Variants in ERCC6 observed in about 807,000 individuals in gnomAD.
ERCC6 encodes DNA excision repair protein ERCC-6.
In ERCC6, 116 loss-of-function variants were observed where a neutral mutation model predicts 158.7. That is an observed-to-expected ratio of 0.73 (90% CI 0.63 to 0.85). ERCC6 has a LOEUF of 0.85. Among genes scored for constraint, ERCC6 ranks in the 40% least tolerant of loss-of-function variants. The pLI is 0.00. For missense variants in ERCC6, 1,698 were observed against 1,799.4 expected, an observed-to-expected ratio of 0.94 and a Z score of 1.02; for synonymous variants, 678 against 659.3, an observed-to-expected ratio of 1.03 and a Z score of -0.43.
chr10:49,445,651 T>C, the ERCC6 span, among the ~76,000 whole-genome samples: 1 of 152,248 alleles, frequency 6.6e-6, no homozygotes, highest in Non-Finnish European at 1.5e-5. Context: ...ACAAGAAATG[T>C]TATTTATAAT....
rs540141675 is a variant in ERCC6 at position 49,460,359 on chromosome 10, G to A, written c.4062+14C>T. The A allele has an allele frequency of 2.2e-5, 35 of 1,590,838 alleles. No homozygotes were observed. Among genetic ancestry groups the A allele is most frequent in the East Asian group, 4.5e-5 (2 of 44,788 alleles). ...AAGTCTCACCCTGGAAAGCAAAAAGGTTATCTATATTACCTGGCACTTCTC... is the reference window on the plus strand; with the variant it reads ...AAGTCTCACCCTGGAAAGCAAAAAGATTATCTATATTACCTGGCACTTCTC... On this transcript the variant is annotated intron_variant, in intron 20 of 20. Transcript: ENST00000355832.
chr10:49,480,089 G>T (rs1850949983), intron 10 of ERCC6, among the ~76,000 whole-genome samples: 1 of 152,112 alleles, frequency 6.6e-6, no homozygotes, highest in Admixed American at 6.5e-5. Flanking sequence ...GTCCCTGCAG[G>T]CTCTTCTCAG....
intron 5 of ERCC6, among the ~76,000 whole-genome samples, chr10:49,508,472 A>G (rs995334095): frequency 3.9e-5 from 6 of 152,236 alleles, no homozygotes; most frequent in Admixed American, 3.3e-4. Flanking sequence ...ATAAGCCACT[A>G]CAGAAACGAT....
In ERCC6 at chr10:49,516,460, G is replaced by A. The variant is rs748948969; in HGVS notation, c.1397+7573C>T. 1.2e-5 allele frequency: 19 copies of A among 1,614,144 alleles called. No homozygotes were observed. The highest frequency in any genetic ancestry group is 3.3e-5 in the Admixed American group (2 of 60,012). On this transcript the variant is annotated intron_variant, in intron 5 of 20. Transcript: ENST00000355832. Reference sequence around the variant, plus strand: ...GAAAATATAGTTTCAAACCGGTCACGTCTCATGGCAGCACTAACCAGTACA... The same window carrying A: ...GAAAATATAGTTTCAAACCGGTCACATCTCATGGCAGCACTAACCAGTACA...
Position 49,500,590 on chromosome 10 carries a change from A to C in ERCC6, c.1633T>G (p.Phe545Val), listed in dbSNP as rs1851339748. 6.2e-7 allele frequency: 1 copy of C among 1,614,038 alleles called. No homozygotes were observed. Among genetic ancestry groups the C allele is most frequent in the Non-Finnish European group, 8.5e-7 (1 of 1,179,926 alleles). ...GLGKTIQIIA[F>V]LAGLSYSKIR... Reference sequence around the variant, plus strand: ...TTGCTGTAGCTCAGACCTGCCAAGAAGGCAATTATCTGGATGGTCTTGCCC... The same window carrying C: ...TTGCTGTAGCTCAGACCTGCCAAGACGGCAATTATCTGGATGGTCTTGCCC... Residue 545 changes from phenylalanine (F) to valine (V), a missense_variant, in exon 7 of 21, where the codon TTC becomes GTC. Phe to Val is a conservative substitution (Grantham distance 50). Transcript: ENST00000355832.
the ERCC6 span, among the ~76,000 whole-genome samples, chr10:49,440,929 G>A: frequency 6.6e-6 from 1 of 152,176 alleles, no homozygotes; most frequent in Non-Finnish European, 1.5e-5. Flanking sequence ...TGGGTGGAAT[G>A]GGAGGTGGTA....
Position 49,470,179 on chromosome 10 carries a change from T to C in ERCC6, c.3778+3A>G, listed in dbSNP as rs1850747260. 1 of 1,613,746 alleles carries C rather than the reference T, an allele frequency of 6.2e-7. No homozygotes were observed. The highest frequency in any genetic ancestry group is 1.1e-5 in the South Asian group (1 of 91,068). ...CCTGTGGCAAACGTATCAAATGGAT[T>C]ACCTGATTTTTTGAAAAGCTTTTCC... On this transcript the variant is annotated splice_donor_region_variant and intron_variant, in intron 18 of 20. Coordinates refer to ENST00000355832, the MANE Select transcript of ERCC6 (RefSeq NM_000124.4).
intron 5 of ERCC6, among the ~76,000 whole-genome samples, chr10:49,513,722 GA>G (rs1836869602): frequency 6.6e-6 from 1 of 152,164 alleles, no homozygotes; most frequent in Non-Finnish European, 1.5e-5. Context: ...CAGCATGGGG[GA>G]AACCGCCCCC....
rs1837262991 is a variant in ERCC6, at chr10:49,524,543, C to T, written c.887G>A (p.Arg296Lys). 3 of 1,614,216 alleles carry T rather than the reference C, an allele frequency of 1.9e-6. No individual in the cohort carries two copies. The East Asian group carries it at 6.7e-5, about 36-fold the overall frequency. The change falls in exon 5 of 21, where the codon AGA becomes AAA. Residue 296 changes from arginine to lysine, a missense_variant. By Grantham distance (26) the Arg-to-Lys change is conservative. Coordinates refer to ENST00000355832, the MANE Select transcript of ERCC6 (RefSeq NM_000124.4). ...KKQGCNKRAA[R>K]KAPAPVTPPA... ...AGGCGTGACTGGGGCTGGAGCTTTT[C>T]TAGCTGCTCTTTTATTACAACCTTG...
downstream of ERCC6, among the ~76,000 whole-genome samples, chr10:49,453,469 A>T (rs1850442953): frequency 2.0e-5 from 3 of 152,176 alleles, no homozygotes; most frequent in South Asian, 6.2e-4. Flanking sequence ...TGCTGTTTTG[A>T]CAAATGTTAC....
At chr10:49,447,612 G>A in the ERCC6 span, among the ~76,000 whole-genome samples, 130 of 152,156 alleles carry the variant, frequency 8.5e-4, 1 homozygote, top group South Asian at 0.013. Flanking sequence ...GCCGAGGCAG[G>A]AGAATGGCGT....
chr10:49,484,770 G>A (rs1002731896), intron 8 of ERCC6, among the ~76,000 whole-genome samples: 1 of 152,116 alleles, frequency 6.6e-6, no homozygotes, highest in African/African-American at 2.4e-5. Flanking sequence ...AAAATAAGGA[G>A]AAAATGTCAT....
chr10:49,524,018 T>A lies in ERCC6; in HGVS notation c.1397+15A>T. 1 of 1,612,254 alleles carries A rather than the reference T, an allele frequency of 6.2e-7. No individual in the cohort carries two copies. Among genetic ancestry groups the A allele is most frequent in the Non-Finnish European group, 8.5e-7 (1 of 1,179,858 alleles). On this transcript the variant is annotated intron_variant, in intron 5 of 20. Transcript: ENST00000355832. ...AGCAAACAGTACAATGTATTTATAA[T>A]CCCCACAGACCGACCTTAACCGCTG...
rs1225811570 is a variant in ERCC6, at chr10:49,473,606, T to C, written c.2599-19A>G. 1.4e-6 allele frequency: 2 copies of C among 1,442,964 alleles called. No homozygotes were observed. The highest frequency in any genetic ancestry group is 2.0e-6 in the Non-Finnish European group (2 of 1,023,868). 89.4% of individuals were successfully genotyped at this position (1,442,964 alleles called of 1,614,324 possible). A position where few individuals can be genotyped will look rare whatever the true frequency, so the allele number is the denominator to read the frequency against. ...CCAGCATCTGTTTGGAGGTGGGGGATAGGAGTTTGCAAAGCAAATACACAT... is the reference window on the plus strand; with the variant it reads ...CCAGCATCTGTTTGGAGGTGGGGGACAGGAGTTTGCAAAGCAAATACACAT... On this transcript the variant is annotated intron_variant, in intron 13 of 20. Transcript: ENST00000355832.
At chr10:49,441,674 G>GT in the ERCC6 span, among the ~76,000 whole-genome samples, 4 of 152,210 alleles carry the variant, frequency 2.6e-5, no homozygotes, top group East Asian at 7.7e-4. Flanking sequence ...GTGGCAGCGG[G>GT]TGCGGACGGG....
intron 5 of ERCC6, among the ~76,000 whole-genome samples, chr10:49,520,005 T>C (rs1837108458): frequency 6.6e-6 from 1 of 152,216 alleles, no homozygotes; most frequent in East Asian, 1.9e-4. Context: ...ATCTATGACA[T>C]ACAGCATTTA....
intron 8 of ERCC6, among the ~76,000 whole-genome samples, chr10:49,485,868 C>T (rs1851068269): frequency 6.6e-6 from 1 of 152,140 alleles, no homozygotes; most frequent in Admixed American, 6.5e-5. Context: ...CACCACAAGA[C>T]AGTGAGTTAT....
rs1403282743 is a variant in ERCC6 at position 49,474,208 on chromosome 10, C to T, written c.2417G>A (p.Cys806Tyr). 1.2e-6 allele frequency: 2 copies of T among 1,613,962 alleles called. No homozygotes were observed. Among genetic ancestry groups the T allele is most frequent in the Middle Eastern group, 1.6e-4 (1 of 6,084 alleles). Residue 806 changes from cysteine (C) to tyrosine (Y), a missense_variant, in exon 13 of 21, where the codon TGC becomes TAC. Physicochemically the swap from Cys to Tyr is radical, Grantham distance 194. Transcript: ENST00000355832. ...TCCAGAAAAGAGATCAGGGTGGTTG[C>T]AAATTTTTCTTAGGGCTATAAGTCC... ...FSGLIALRKI[C>Y]NHPDLFSGGP...
At chr10:49,484,825 GA>G (rs1851048915) in intron 8 of ERCC6, among the ~76,000 whole-genome samples, 1 of 152,200 alleles carries the variant, frequency 6.6e-6, no homozygotes, top group African/African-American at 2.4e-5. Flanking sequence ...ATTCCCTTCA[GA>G]GGAAAAAGAC....
Sources: gnomAD v4.1 joint callset for allele counts (sites outside exome capture counted in the v4.1 genomes callset) on GRCh38, gnomAD v4.1.1 for gene constraint, MANE v1.5 for transcripts, NCBI Gene and HGNC (gene_info 2026-07-23, HGNC 2026-07-21) for gene names.